Variants in CALR3 observed in about 807,000 individuals in gnomAD.
The protein encoded by CALR3 is calreticulin 3.
In CALR3, 39 loss-of-function variants were observed where a neutral mutation model predicts 48.7. That is an observed-to-expected ratio of 0.80 (90% confidence interval 0.62 to 1.05). CALR3 has a LOEUF of 1.05. Ranked by LOEUF, CALR3 falls within the 50% of genes least tolerant of loss-of-function variation. The pLI is 0.00. For synonymous variants in CALR3, 185 were observed against 172.7 expected (o/e 1.07, Z -0.56); for missense variants, 449 against 474.7 (o/e 0.95, Z 0.50).
intron 3 of CALR3, among the ~76,000 whole-genome samples, chr19:16,487,095 T>G (rs1054283164): frequency 4.6e-5 from 7 of 152,048 alleles, no homozygotes; most frequent in South Asian, 2.1e-4. Flanking sequence ...ATCCTCAAAC[T>G]CCTCGGCTCG....
intron 2 of CALR3, among the ~76,000 whole-genome samples, chr19:16,494,812 T>G (rs1174161155): frequency 6.6e-6 from 1 of 152,242 alleles, no homozygotes; most frequent in Non-Finnish European, 1.5e-5. Context: ...CACATTCATA[T>G]AAATATAATC....
At chr19:16,490,677 C>A (rs1449548537) in intron 2 of CALR3, 107 bp from the exon 3 acceptor site, 14 of 987,760 alleles carry the variant, frequency 1.4e-5, no homozygotes, top group Non-Finnish European at 2.2e-5. Context: ...ATGTCCTAAC[C>A]ATTTACAGTG....
chr19:16,484,103 T>G lies in CALR3; in HGVS notation c.505A>C (p.Thr169Pro). The change falls in exon 5 of 9, where the codon ACA becomes CCA. Residue 169 changes from threonine to proline, a missense_variant. Thr to Pro is a conservative substitution (Grantham distance 38). Coordinates refer to ENST00000269881, the MANE Select transcript of CALR3 (RefSeq NM_145046.5). ...CTTAAAATTAGAGTGTACAGGTGTG[T>G]GAAGCCATCAACCTGCATATTTTAG... Reference protein sequence around the residue: ...KLIRCKVDGFTHLYTLILRPD... With the variant: ...KLIRCKVDGFPHLYTLILRPD... The G allele has an allele frequency of 1.2e-6, 2 of 1,613,904 alleles. No homozygotes were observed. Among genetic ancestry groups the G allele is most frequent in the Non-Finnish European group, 1.7e-6 (2 of 1,179,968 alleles).
In CALR3 at chr19:16,482,562, C is replaced by A; in HGVS notation, c.806G>T (p.Gly269Val). 6.2e-7 allele frequency: 1 copy of A among 1,614,180 alleles called. No individual in the cohort carries two copies. Among genetic ancestry groups the A allele is most frequent in the Non-Finnish European group, 8.5e-7 (1 of 1,180,040 alleles). ...GTGGAGCCAGACGTCTTTATGAATA[C>A]CTTCTGGTTTCAGGCCATCCTGTAT... ...PPYQDGLKPE[G>V]IHKDVWLHRK... is the part of the protein sequence containing the mutation. Residue 269 changes from glycine to valine, a missense_variant, in exon 7 of 9, where the codon GGT (glycine) becomes GTT (valine). Coordinates refer to ENST00000269881, the MANE Select transcript of CALR3 (RefSeq NM_145046.5).
intron 8 of CALR3, among the ~76,000 whole-genome samples, chr19:16,480,120 T>C (rs945737478): frequency 4.0e-5 from 6 of 148,530 alleles, no homozygotes; most frequent in Admixed American, 1.4e-4. Context: ...GGAGAATCGC[T>C]TGAACCGGGA....
At position 16,495,880 on chromosome 19, in the gene CALR3, T is replaced by A. The variant is rs1256368049; in HGVS notation, c.92-28A>T. 2.5e-6 allele frequency: 4 copies of A among 1,587,156 alleles called. No homozygotes were observed. In the Admixed American group the frequency reaches 6.7e-5, roughly 26 times the overall value. ...GTGGGGAAGGGGAAATAACACCGGT[T>A]AGAGGTGATAATGGTTAATTTGGGC... is the stretch of plus-strand genomic sequence containing the variant. On this transcript the variant is annotated intron_variant, in intron 1 of 8. Coordinates refer to ENST00000269881, the MANE Select transcript of CALR3 (RefSeq NM_145046.5).
In CALR3 at chr19:16,493,661, T is replaced by C. The variant is rs2122148374; in HGVS notation, c.193+2090A>G. Among the ~76,000 whole-genome samples, 2 of 151,032 alleles carry C rather than the reference T, an allele frequency of 1.3e-5. 1 individual carries two copies. Among genetic ancestry groups the C allele is most frequent in the South Asian group, 4.2e-4 (2 of 4,710 alleles). ...GCCTCTCGGGTTCATGTGATTCTCC[T>C]GCCTCAATCTCTCAAGTAGCTGGGA... On this transcript the variant is annotated intron_variant, in intron 2 of 8. Coordinates refer to ENST00000269881, the MANE Select transcript of CALR3 (RefSeq NM_145046.5).
chr19:16,490,387 G>A lies in CALR3; in HGVS notation c.377C>T (p.Ser126Leu), dbSNP rs752960232. The change falls in exon 3 of 9, where the codon TCG (serine) becomes TTG (leucine). Residue 126 changes from serine to leucine, a missense_variant. Ser to Leu is a moderately radical substitution (Grantham distance 145). Coordinates refer to ENST00000269881, the MANE Select transcript of CALR3 (RefSeq NM_145046.5). ...CTCACCAAACATAATATAGTACTGCGATTTTCCATTCAGGTTCTTCTGGTC... is the reference window on the plus strand; with the variant it reads ...CTCACCAAACATAATATAGTACTGCAATTTTCCATTCAGGTTCTTCTGGTC... ...DIDQKNLNGK[S>L]QYYIMFGPDI... The A allele has an allele frequency of 3.7e-6, 6 of 1,614,112 alleles. No homozygotes were observed. Among genetic ancestry groups the A allele is most frequent in the Admixed American group, 3.3e-5 (2 of 59,998 alleles).
At chr19:16,487,815 T>A (rs1045817561) in intron 3 of CALR3, among the ~76,000 whole-genome samples, 1 of 135,196 alleles carries the variant, frequency 7.4e-6, no homozygotes, top group Non-Finnish European at 1.6e-5. Context: ...TAATTTTCAA[T>A]TTTTTTTTTT....
chr19:16,481,479 T>G (rs1174714884), intron 7 of CALR3, among the ~76,000 whole-genome samples: 7 of 148,168 alleles, frequency 4.7e-5, no homozygotes, highest in Admixed American at 1.4e-4. Flanking sequence ...CTGTTTTTTT[T>G]TTTTTTTTTT....
chr19:16,487,498 AC>A (rs1349371808), intron 3 of CALR3, among the ~76,000 whole-genome samples: 4 of 150,918 alleles, frequency 2.7e-5, no homozygotes, highest in Non-Finnish European at 5.9e-5. Context: ...AAAAAAAAAA[AC>A]ATTTTGTAGA....
intron 3 of CALR3, among the ~76,000 whole-genome samples, chr19:16,486,556 GTTGCAATGAGCCGAGA>G (rs1270939703): frequency 1.8e-4 from 26 of 148,352 alleles, no homozygotes; most frequent in Non-Finnish European, 3.1e-4. Flanking sequence ...GGAGGCGGAG[GTTGCAATGAGCCGAGA>G]TTGCACCATT....
Position 16,495,936 on chromosome 19 carries a change from T to C in CALR3, c.92-84A>G, listed in dbSNP as rs1441104590. 5 of 1,561,636 alleles carry C rather than the reference T, an allele frequency of 3.2e-6. No homozygotes were observed. In the Admixed American group the frequency reaches 8.8e-5, roughly 28 times the overall value. ...GAAGGGTGAAGGGGACCCTCGAGGATTCGAGGGTTCGCTGCCGTGGACCCC... is the reference window on the plus strand; with the variant it reads ...GAAGGGTGAAGGGGACCCTCGAGGACTCGAGGGTTCGCTGCCGTGGACCCC... On this transcript the variant is annotated intron_variant, in intron 1 of 8. Coordinates refer to ENST00000269881, the MANE Select transcript of CALR3 (RefSeq NM_145046.5).
chr19:16,481,904 CTT>C (rs747167825), intron 7 of CALR3, among the ~76,000 whole-genome samples: 1 of 72,250 alleles, frequency 1.4e-5, no homozygotes, highest in Non-Finnish European at 2.7e-5. Flanking sequence ...ACTCCCATCT[CTT>C]TTTTTTTTTT....
At chr19:16,491,771 C>T (rs192513416) in intron 2 of CALR3, among the ~76,000 whole-genome samples, 9 of 150,578 alleles carry the variant, frequency 6.0e-5, no homozygotes, top group Non-Finnish European at 8.9e-5. Context: ...AGTGAGACTC[C>T]GTCTCCAAAA....
At position 16,488,903 on chromosome 19, in the gene CALR3, G is replaced by A. The variant is rs867888161; in HGVS notation, c.397+1464C>T. Among the ~76,000 whole-genome samples the A allele has an allele frequency of 2.0e-5, 3 of 152,098 alleles. No individual in the cohort carries two copies. The South Asian group carries it at 6.2e-4, about 31-fold the overall frequency. On this transcript the variant is annotated intron_variant, in intron 3 of 8. Transcript: ENST00000269881. Reference sequence around the variant, plus strand: ...TGGTAAAATATTTTTGGCTTTGTAAGCCTAATGATCTCTGTCATGACAACT... The same window carrying A: ...TGGTAAAATATTTTTGGCTTTGTAAACCTAATGATCTCTGTCATGACAACT...
chr19:16,495,763 C>T lies in CALR3; in HGVS notation c.181G>A (p.Glu61Lys), dbSNP rs1060502978. Residue 61 changes from glutamate to lysine, a missense_variant, in exon 2 of 9, where the codon GAG (glutamate) becomes AAG (lysine). By Grantham distance (56) the Glu-to-Lys change is moderately conservative. Coordinates refer to ENST00000269881, the MANE Select transcript of CALR3 (RefSeq NM_145046.5). ...ATTCTACACTAACCTTTATCTTTCT[C>T]TTTATGACCATAAAACTTGCCCGAC... Reference protein sequence around the residue: ...LSSGKFYGHKEKDKGLQTTQN... With the variant: ...LSSGKFYGHKKKDKGLQTTQN... 1 of 1,613,528 alleles carries T rather than the reference C, an allele frequency of 6.2e-7. No homozygotes were observed. Among genetic ancestry groups the T allele is most frequent in the Non-Finnish European group, 8.5e-7 (1 of 1,179,428 alleles).
chr19:16,488,406 C>T lies in CALR3; in HGVS notation c.397+1961G>A, dbSNP rs1568486852. ...GCTGAGGATGAATATTTTGGAAGTA[C>T]ATTCATTCTTTTTTTGGAGATGGAG... On this transcript the variant is annotated intron_variant, in intron 3 of 8. Coordinates refer to ENST00000269881, the MANE Select transcript of CALR3 (RefSeq NM_145046.5). Among the ~76,000 whole-genome samples, 5 of 151,984 alleles carry T rather than the reference C, an allele frequency of 3.3e-5. No homozygotes were observed. In the South Asian group the frequency reaches 1.0e-3, roughly 32 times the overall value.
intron 2 of CALR3, among the ~76,000 whole-genome samples, chr19:16,492,110 T>C (rs1044588240): frequency 6.6e-6 from 1 of 152,044 alleles, no homozygotes; most frequent in Non-Finnish European, 1.5e-5. Context: ...ATTACAGGTG[T>C]GAACCACTGT....
Sources: gnomAD v4.1 joint callset for allele counts (sites outside exome capture counted in the v4.1 genomes callset) on GRCh38, gnomAD v4.1.1 for gene constraint, MANE v1.5 for transcripts, NCBI Gene and HGNC (gene_info 2026-07-23, HGNC 2026-07-21) for gene names.